Variants in RPSA2 observed in about 807,000 individuals in gnomAD.
RPSA2 encodes ribosomal protein SA 2.
At chr19:23,764,447 A>G in the RPSA2 span, among the ~76,000 whole-genome samples, 1 of 152,290 alleles carries the variant, frequency 6.6e-6, no homozygotes, top group South Asian at 2.1e-4. Context: ...ACTGCAGTGG[A>G]TGGCAGGTTT....
chr19:23,850,178 A>T, the RPSA2 span, among the ~76,000 whole-genome samples: 1 of 151,368 alleles, frequency 6.6e-6, no homozygotes, highest in African/African-American at 2.4e-5. Flanking sequence ...AGATTTCTGC[A>T]GGAGCATCCA....
the RPSA2 span, among the ~76,000 whole-genome samples, chr19:23,808,341 CT>C: frequency 7.2e-6 from 1 of 138,120 alleles, no homozygotes; most frequent in African/African-American, 2.7e-5. Flanking sequence ...ATGATCTCGG[CT>C]CACTGCAACT....
chr19:23,814,684 T>A, the RPSA2 span, among the ~76,000 whole-genome samples: 2 of 152,100 alleles, frequency 1.3e-5, no homozygotes, highest in Non-Finnish European at 2.9e-5. Flanking sequence ...TTTGAAAAAC[T>A]ATTATTTTTT....
At chr19:23,784,660 G>A in the RPSA2 span, among the ~76,000 whole-genome samples, 1 of 152,176 alleles carries the variant, frequency 6.6e-6, no homozygotes, top group African/African-American at 2.4e-5. Flanking sequence ...GGTGGATACT[G>A]TCTCTTGCAT....
the RPSA2 span, among the ~76,000 whole-genome samples, chr19:23,778,448 A>G: frequency 1.3e-5 from 2 of 152,156 alleles, no homozygotes; most frequent in Non-Finnish European, 2.9e-5. Context: ...TCCTGACCTC[A>G]GGTTATCTGC....
the RPSA2 span, among the ~76,000 whole-genome samples, chr19:23,811,486 T>C: frequency 6.6e-6 from 1 of 151,546 alleles, no homozygotes; most frequent in Non-Finnish European, 1.5e-5. Flanking sequence ...ACAAATTTTC[T>C]TGCTGTCAGG....
At chr19:23,792,520 TA>T in the RPSA2 span, among the ~76,000 whole-genome samples, 3 of 152,010 alleles carry the variant, frequency 2.0e-5, no homozygotes, top group South Asian at 2.1e-4. Flanking sequence ...CAGATGTATA[TA>T]AAAAATTGAA....
At chr19:23,776,104 A>G in the RPSA2 span, among the ~76,000 whole-genome samples, 14 of 152,190 alleles carry the variant, frequency 9.2e-5, no homozygotes, top group African/African-American at 2.7e-4. Context: ...ACACCCAGGT[A>G]ATGTGAGTCT....
At chr19:23,766,890 C>T in the RPSA2 span, among the ~76,000 whole-genome samples, 1 of 151,890 alleles carries the variant, frequency 6.6e-6, no homozygotes, top group Admixed American at 6.6e-5. Flanking sequence ...TCCTGAGTAG[C>T]TGGGATTACA....
chr19:23,858,363 G>A, the RPSA2 span, among the ~76,000 whole-genome samples: 3 of 152,056 alleles, frequency 2.0e-5, no homozygotes, highest in Non-Finnish European at 2.9e-5. Flanking sequence ...TGCAATCTAT[G>A]CATGTAACTA....
the RPSA2 span, among the ~76,000 whole-genome samples, chr19:23,769,623 C>T: frequency 5.3e-5 from 8 of 152,178 alleles, no homozygotes; most frequent in South Asian, 2.1e-4. Context: ...GGATTACAGG[C>T]GTGAGCCACG....
the RPSA2 span, among the ~76,000 whole-genome samples, chr19:23,776,418 T>C: frequency 2.6e-5 from 4 of 152,114 alleles, no homozygotes; most frequent in African/African-American, 4.8e-5. Context: ...ACAGTGAACA[T>C]TGTGAAATAT....
At chr19:23,763,631 G>C in the RPSA2 span, among the ~76,000 whole-genome samples, 2 of 152,192 alleles carry the variant, frequency 1.3e-5, no homozygotes, top group South Asian at 4.2e-4. Flanking sequence ...ACCCCGCCTG[G>C]CTAATTTTTG....
At chr19:23,790,620 G>T in the RPSA2 span, among the ~76,000 whole-genome samples, 2 of 152,064 alleles carry the variant, frequency 1.3e-5, no homozygotes, top group African/African-American at 4.8e-5. Flanking sequence ...GTTGTAGTTG[G>T]GGGGACTGTG....
the RPSA2 span, among the ~76,000 whole-genome samples, chr19:23,812,502 T>A: frequency 1.3e-5 from 2 of 150,638 alleles, no homozygotes; most frequent in African/African-American, 4.9e-5. Flanking sequence ...TTCAAGCAAT[T>A]CTCCTGCCTC....
At chr19:23,834,430 A>G in the RPSA2 span, among the ~76,000 whole-genome samples, 1 of 152,008 alleles carries the variant, frequency 6.6e-6, no homozygotes, top group Non-Finnish European at 1.5e-5. Context: ...GACCTTTTCT[A>G]TGGAAAGGTA....
chr19:23,773,065 G>C, the RPSA2 span, among the ~76,000 whole-genome samples: 1 of 129,724 alleles, frequency 7.7e-6, no homozygotes, highest in Non-Finnish European at 1.6e-5. Context: ...CTGAGACTCC[G>C]TCTCCTCCTG....
chr19:23,839,988 C>T, the RPSA2 span, among the ~76,000 whole-genome samples: 1 of 152,190 alleles, frequency 6.6e-6, no homozygotes, highest in Admixed American at 6.5e-5. Context: ...CCTGCAGGAG[C>T]AGTCTGCTTC....
chr19:23,791,122 T>C, the RPSA2 span, among the ~76,000 whole-genome samples: 6 of 152,270 alleles, frequency 3.9e-5, no homozygotes, highest in South Asian at 1.2e-3. Flanking sequence ...TGTATGGGTG[T>C]CACAATGAAA....
Sources: allele counts gnomAD v4.1 joint callset (sites outside exome capture counted in the v4.1 genomes callset), GRCh38; gene constraint gnomAD v4.1.1; transcripts MANE v1.5; gene names NCBI Gene and HGNC (gene_info 2026-07-23, HGNC 2026-07-21).